PRUNE2: variants seen among roughly 807,000 people sequenced by gnomAD.
The protein encoded by PRUNE2 is protein prune homolog 2.
In PRUNE2, 164 loss-of-function variants were observed where a neutral mutation model predicts 252.0. The ratio of observed to expected loss-of-function variants is 0.65; its 90% CI spans 0.57 to 0.74. The LOEUF (loss-of-function observed/expected upper bound fraction) is 0.74, where lower values mean the gene tolerates loss of function less well. Ranked by LOEUF, PRUNE2 falls within the 30% of genes least tolerant of loss-of-function variation. The pLI, the probability that PRUNE2 is intolerant of heterozygous loss-of-function variation, is 0.00. For missense variants in PRUNE2, 3,495 were observed against 3,711.0 expected (o/e 0.94, Z 1.51); for synonymous variants, 1,292 against 1,350.2 (o/e 0.96, Z 0.94).
Position 76,900,791 on chromosome 9 carries a change from G to T in PRUNE2, c.36+5137C>A, listed in dbSNP as rs539451679. Among the ~76,000 whole-genome samples, 16 of 152,170 alleles carry T rather than the reference G, an allele frequency of 1.1e-4. No homozygotes were observed. The South Asian group carries it at 3.1e-3, about 30-fold the overall frequency. On this transcript the variant is annotated intron_variant, in intron 1 of 18. Coordinates refer to ENST00000376718, the MANE Select transcript of PRUNE2 (RefSeq NM_015225.3). ...CTTCCCTCATTCTTCTCACTGCTCA[G>T]GTAACATTCACGGAGGGGTAGGTTC...
chr9:76,833,503 T>C (rs752002902), intron 4 of PRUNE2, among the ~76,000 whole-genome samples: 65 of 152,192 alleles, frequency 4.3e-4, no homozygotes, highest in Non-Finnish European at 7.1e-4. Flanking sequence ...TGGTGGCTCA[T>C]GCCTGTAATC....
intron 15 of PRUNE2, among the ~76,000 whole-genome samples, chr9:76,635,880 C>T (rs1283985650): frequency 6.6e-6 from 1 of 152,072 alleles, no homozygotes; most frequent in Non-Finnish European, 1.5e-5. Flanking sequence ...TACTTTGCAT[C>T]CCTAAGATGT....
At chr9:76,674,624 G>C (rs955814762) in intron 9 of PRUNE2, among the ~76,000 whole-genome samples, 1 of 150,504 alleles carries the variant, frequency 6.6e-6, no homozygotes, top group South Asian at 2.1e-4. Flanking sequence ...TAAGCCAAAA[G>C]AACAAAGCTG....
intron 1 of PRUNE2, among the ~76,000 whole-genome samples, chr9:76,891,975 G>A (rs1211987819): frequency 4.6e-5 from 7 of 152,142 alleles, no homozygotes; most frequent in African/African-American, 7.2e-5. Flanking sequence ...TGACCACACC[G>A]AGCAGAGCAG....
rs1394380045 is a variant in PRUNE2 at position 76,705,734 on chromosome 9, G to C, written c.6540C>G (p.Ser2180=). Residue 2180 remains serine (S), a synonymous_variant, in exon 8 of 19, where the codon TCC becomes TCG. Transcript: ENST00000376718. ...PIGYQADIKG[S]SQPASHKGSP... ...AACCTTTATGAGAGGCGGGCTGAGA[G>C]GAGCCCTTTATGTCTGCTTGATAGC... The C allele has an allele frequency of 1.9e-6, 3 of 1,613,994 alleles. No homozygotes were observed. The Admixed American group carries it at 5.0e-5, about 27-fold the overall frequency.
chr9:76,729,159 A>T (rs2048358153), intron 6 of PRUNE2, among the ~76,000 whole-genome samples: 1 of 152,198 alleles, frequency 6.6e-6, no homozygotes, highest in Non-Finnish European at 1.5e-5. Context: ...GGACAAATGA[A>T]CCAGAGAGTG....
chr9:76,835,918 G>T (rs1355896043), intron 4 of PRUNE2, among the ~76,000 whole-genome samples: 3 of 152,158 alleles, frequency 2.0e-5, no homozygotes, highest in African/African-American at 7.2e-5. Flanking sequence ...AAAAACCTGG[G>T]ATATTAGTTT....
chr9:76,766,178 G>A, intron 6 of PRUNE2, among the ~76,000 whole-genome samples: 1 of 122,040 alleles, frequency 8.2e-6, no homozygotes, highest in African/African-American at 3.2e-5. Context: ...GCAAGACTCT[G>A]CCTCAAAAAA....
intron 9 of PRUNE2, among the ~76,000 whole-genome samples, chr9:76,656,820 A>G (rs777594116): frequency 6.6e-6 from 1 of 152,190 alleles, no homozygotes; most frequent in Admixed American, 6.5e-5. Flanking sequence ...AAAGCTCAGC[A>G]TCAGGGAGTT....
intron 6 of PRUNE2, among the ~76,000 whole-genome samples, chr9:76,715,894 A>G (rs1041804708): frequency 6.6e-6 from 1 of 152,222 alleles, no homozygotes; most frequent in Non-Finnish European, 1.5e-5. Context: ...TGAAAAAAAT[A>G]AAAAGAGACT....
chr9:76,775,434 C>T (rs1274981793), intron 6 of PRUNE2, among the ~76,000 whole-genome samples: 3 of 151,908 alleles, frequency 2.0e-5, no homozygotes, highest in African/African-American at 7.3e-5. Context: ...GTAGCTGGGA[C>T]TACAGGCATG....
At position 76,807,600 on chromosome 9, in the gene PRUNE2, T is replaced by C. The variant is rs142441774; in HGVS notation, c.756+16032A>G. Among the ~76,000 whole-genome samples the C allele has an allele frequency of 2.0e-3, 309 of 152,318 alleles. 3 individuals are homozygous for C. Among genetic ancestry groups the C allele is most frequent in the Admixed American group, 4.8e-3 (73 of 15,302 alleles). ...GTGGTAAAAATGGATTAATGCTCTCTCTTGAGCATCCATTTCATGTTTAAT... is the reference window on the plus strand; with the variant it reads ...GTGGTAAAAATGGATTAATGCTCTCCCTTGAGCATCCATTTCATGTTTAAT... On this transcript the variant is annotated intron_variant, in intron 6 of 18. Coordinates refer to ENST00000376718, the MANE Select transcript of PRUNE2 (RefSeq NM_015225.3).
chr9:76,835,711 A>G (rs1478541070), intron 4 of PRUNE2, among the ~76,000 whole-genome samples: 4 of 152,162 alleles, frequency 2.6e-5, no homozygotes, highest in Admixed American at 6.5e-5. Flanking sequence ...TAACCATTTC[A>G]GGAGAGAGAT....
rs1443717415 is a variant in PRUNE2 at position 76,710,029 on chromosome 9, G to A, written c.2245C>T (p.Pro749Ser). The part of the protein sequence containing the change: ...PFQNLPMEKS[P>S]LPNTSPQGTN... The stretch of plus-strand genomic sequence containing the variant: ...CCTTGGGGAGATGTATTTGGCAAAG[G>A]TGACTTCTCCATGGGCAGGTTCTGG... The change falls in exon 8 of 19, where the codon CCT becomes TCT. Residue 749 changes from proline to serine, a missense_variant. Transcript: ENST00000376718. 9.9e-6 allele frequency: 16 copies of A among 1,613,710 alleles called. No homozygotes were observed. Among genetic ancestry groups the A allele is most frequent in the African/African-American group, 2.7e-5 (2 of 74,894 alleles).
At chr9:76,901,886 T>C (rs1046721256) in intron 1 of PRUNE2, among the ~76,000 whole-genome samples, 4 of 152,218 alleles carry the variant, frequency 2.6e-5, no homozygotes, top group African/African-American at 7.2e-5. Flanking sequence ...GAAAACAGCA[T>C]TCCTGGGACA....
At chr9:76,819,193 T>C (rs1214697117) in intron 6 of PRUNE2, 2 of 152,222 alleles carry the variant, frequency 1.3e-5, no homozygotes, top group Non-Finnish European at 2.9e-5. Flanking sequence ...GAAGTTGCAG[T>C]GAGCCTTGAC....
intron 6 of PRUNE2, among the ~76,000 whole-genome samples, chr9:76,720,605 T>C (rs1285896027): frequency 1.3e-5 from 2 of 149,568 alleles, no homozygotes; most frequent in African/African-American, 4.9e-5. Flanking sequence ...CCTGTTTTTT[T>C]ATTATTATTT....
At chr9:76,701,106 C>G (rs1421108578) in intron 9 of PRUNE2, among the ~76,000 whole-genome samples, 1 of 152,218 alleles carries the variant, frequency 6.6e-6, no homozygotes, top group Admixed American at 6.5e-5. Context: ...TGAAGCTCAG[C>G]TGGCTGGGCC....
Position 76,761,367 on chromosome 9 carries a change from C to T in PRUNE2, c.757-47646G>A, listed in dbSNP as rs145909228. On this transcript the variant is annotated intron_variant, in intron 6 of 18. Coordinates refer to ENST00000376718, the MANE Select transcript of PRUNE2 (RefSeq NM_015225.3). ...GTGATGCATCTGTGAGGAACAGTCA[C>T]CTATATTTGTGTAAGTCAGACAATT... Among the ~76,000 whole-genome samples the T allele has an allele frequency of 7.2e-5, 11 of 152,156 alleles. No individual in the cohort carries two copies. The East Asian group carries it at 2.1e-3, about 29-fold the overall frequency.
Sources: gnomAD v4.1 joint callset for allele counts (sites outside exome capture counted in the v4.1 genomes callset) on GRCh38, gnomAD v4.1.1 for gene constraint, MANE v1.5 for transcripts, NCBI Gene and HGNC (gene_info 2026-07-23, HGNC 2026-07-21) for gene names.